CNTNAP2: variants seen among roughly 807,000 people sequenced by gnomAD.
CNTNAP2 encodes the protein contactin-associated protein-like 2.
A neutral mutation model predicts 155.2 loss-of-function variants in CNTNAP2; 98 were observed. The ratio of observed to expected loss-of-function variants is 0.63; its 90% CI spans 0.54 to 0.75. The LOEUF is 0.75. CNTNAP2 is among the 30% of genes least tolerant of loss of function. The probability of loss-of-function intolerance (pLI) is 0.00; values close to 1 mark genes in which losing one functional copy is unlikely to be tolerated. For missense variants in CNTNAP2, 1,727 were observed against 1,688.1 expected, an observed-to-expected ratio of 1.02 and a Z score of -0.40; for synonymous variants, 651 against 631.2, an observed-to-expected ratio of 1.03 and a Z score of -0.47.
intron 10 of CNTNAP2, among the ~76,000 whole-genome samples, chr7:147,480,657 A>G (rs1798404942): frequency 1.3e-5 from 2 of 152,244 alleles, no homozygotes; most frequent in African/African-American, 4.8e-5. Context: ...AAGCAGTCTT[A>G]GGAGAAATGA....
At chr7:147,276,183 T>C (rs1804891529) in intron 8 of CNTNAP2, among the ~76,000 whole-genome samples, 1 of 151,660 alleles carries the variant, frequency 6.6e-6, no homozygotes, top group Admixed American at 6.6e-5. Flanking sequence ...AGAGTGATAC[T>C]AGTTTCATAG....
At chr7:146,454,179 G>A (rs1796522339) in intron 1 of CNTNAP2, among the ~76,000 whole-genome samples, 1 of 152,110 alleles carries the variant, frequency 6.6e-6, no homozygotes, top group South Asian at 2.1e-4. Context: ...CAAAATGGCT[G>A]CTTATTCTAT....
At chr7:146,568,943 C>G (rs1220003811) in intron 1 of CNTNAP2, among the ~76,000 whole-genome samples, 4 of 151,708 alleles carry the variant, frequency 2.6e-5, no homozygotes, top group Non-Finnish European at 5.9e-5. Context: ...CCCAAAGTCA[C>G]GCAAATCACA....
intron 6 of CNTNAP2, among the ~76,000 whole-genome samples, chr7:147,127,457 A>C (rs6945282): frequency 6.6e-6 from 1 of 152,000 alleles, no homozygotes; most frequent in Non-Finnish European, 1.5e-5. Flanking sequence ...TTAAGATGCC[A>C]TAACACTAAA....
Position 147,087,990 on chromosome 7 carries a change from C to CA in CNTNAP2, c.551-20149dup, listed in dbSNP as rs556193542. On this transcript the variant is annotated intron_variant, in intron 4 of 23. Coordinates refer to ENST00000361727, the MANE Select transcript of CNTNAP2 (RefSeq NM_014141.6). Reference sequence around the variant, plus strand: ...AGACTCCACCTCAAAAACAAAAAAACAAAAAAAACAGCCATCAAGCAGACA... The same window carrying CA: ...AGACTCCACCTCAAAAACAAAAAAACAAAAAAAAACAGCCATCAAGCAGACA... 3.7e-3 allele frequency among the ~76,000 whole-genome samples: 562 copies of CA among 151,410 alleles called. 4 individuals carry two copies. Among genetic ancestry groups the CA allele is most frequent in the African/African-American group, 0.012 (514 of 41,314 alleles).
chr7:146,980,723 C>T (rs560244151), intron 3 of CNTNAP2, among the ~76,000 whole-genome samples: 109 of 152,232 alleles, frequency 7.2e-4, no homozygotes, highest in Middle Eastern at 3.4e-3. Flanking sequence ...GACCTATCAC[C>T]AAGGCAACTG....
intron 1 of CNTNAP2, among the ~76,000 whole-genome samples, chr7:146,331,321 A>T (rs1801184022): frequency 1.3e-5 from 2 of 151,424 alleles, no homozygotes; most frequent in African/African-American, 2.4e-5. Context: ...AAAAAAATAA[A>T]AATAACCAAC....
chr7:147,955,645 T>A (rs1195678155), intron 14 of CNTNAP2, among the ~76,000 whole-genome samples: 1 of 152,110 alleles, frequency 6.6e-6, no homozygotes, highest in Non-Finnish European at 1.5e-5. Context: ...TAGTACAGAA[T>A]CAGAGGGCAA....
intron 16 of CNTNAP2, among the ~76,000 whole-genome samples, chr7:148,125,153 TAAG>T (rs1804688266): frequency 6.6e-6 from 1 of 152,096 alleles, no homozygotes; most frequent in Non-Finnish European, 1.5e-5. Flanking sequence ...AAAATGAACG[TAAG>T]AAGAAGACAT....
intron 18 of CNTNAP2, among the ~76,000 whole-genome samples, chr7:148,181,463 T>G (rs1487691041): frequency 6.6e-6 from 1 of 152,156 alleles, no homozygotes; most frequent in East Asian, 1.9e-4. Flanking sequence ...TTGACTTAAT[T>G]CAGAAAAGTC....
chr7:146,827,617 T>C (rs578142854), intron 2 of CNTNAP2, among the ~76,000 whole-genome samples: 6 of 152,108 alleles, frequency 3.9e-5, no homozygotes, highest in Non-Finnish European at 7.4e-5. Flanking sequence ...TAATTAACTA[T>C]GCTATTTCCA....
intron 6 of CNTNAP2, chr7:147,121,447 T>C (rs1801109397): frequency 3.0e-6 from 1 of 330,078 alleles, no homozygotes; most frequent in Non-Finnish European, 5.7e-6. Flanking sequence ...TAAATTTAAT[T>C]TGTAATCCTT....
At chr7:146,421,467 T>C (rs1563077407) in intron 1 of CNTNAP2, among the ~76,000 whole-genome samples, 1 of 152,018 alleles carries the variant, frequency 6.6e-6, no homozygotes, top group South Asian at 2.1e-4. Context: ...GAAAATGTGA[T>C]TGATTTCAAA....
chr7:147,776,034 A>T (rs1030626563), intron 13 of CNTNAP2, among the ~76,000 whole-genome samples: 31 of 152,162 alleles, frequency 2.0e-4, no homozygotes, highest in African/African-American at 7.5e-4. Flanking sequence ...GACCAATTAG[A>T]GTTGTTATCC....
chr7:147,952,961 G>C (rs1266169596), intron 14 of CNTNAP2, among the ~76,000 whole-genome samples: 2 of 152,148 alleles, frequency 1.3e-5, no homozygotes, highest in African/African-American at 4.8e-5. Flanking sequence ...TAGAGATTTA[G>C]GGAATATTCC....
At chr7:147,173,554 T>C (rs1352741384) in intron 8 of CNTNAP2, among the ~76,000 whole-genome samples, 1 of 152,176 alleles carries the variant, frequency 6.6e-6, no homozygotes, top group Non-Finnish European at 1.5e-5. Flanking sequence ...CCAGCTGGCA[T>C]AGACACCTGT....
At chr7:148,105,743 C>A (rs1443893889) in intron 15 of CNTNAP2, among the ~76,000 whole-genome samples, 1 of 152,046 alleles carries the variant, frequency 6.6e-6, no homozygotes, top group Non-Finnish European at 1.5e-5. Flanking sequence ...CCTGCCACCA[C>A]ACTCAGCTAA....
intron 8 of CNTNAP2, among the ~76,000 whole-genome samples, chr7:147,279,999 T>C (rs1294797110): frequency 6.6e-6 from 1 of 151,918 alleles, no homozygotes; most frequent in Non-Finnish European, 1.5e-5. Context: ...CAAGTCTACA[T>C]GTAAAGTGAT....
intron 13 of CNTNAP2, among the ~76,000 whole-genome samples, chr7:147,666,374 G>A (rs1220859593): frequency 6.6e-6 from 1 of 152,182 alleles, no homozygotes; most frequent in African/African-American, 2.4e-5. Flanking sequence ...TGTCGTAGCT[G>A]TAGCCCACCA....
Sources: allele counts gnomAD v4.1 joint callset (sites outside exome capture counted in the v4.1 genomes callset), GRCh38; gene constraint gnomAD v4.1.1; transcripts MANE v1.5; gene names NCBI Gene and HGNC (gene_info 2026-07-23, HGNC 2026-07-21).